The following KLHL31 variants were observed in gnomAD, a reference collection of about 807,000 sequenced individuals.
KLHL31 encodes the protein kelch like family member 31, also known as kelch-like protein 31.
Under a neutral mutation model 47.1 loss-of-function variants are expected in KLHL31, and 32 were observed. That is an observed-to-expected ratio of 0.68 (90% confidence interval 0.51 to 0.91). The LOEUF (loss-of-function observed/expected upper bound fraction) is 0.91. KLHL31 is among the 40% of genes least tolerant of loss of function. The pLI, the probability that KLHL31 is intolerant of heterozygous loss-of-function variation, is 0.00. For synonymous variants in KLHL31, 330 were observed against 325.1 expected, an observed-to-expected ratio of 1.01 and a Z score of -0.16; for missense variants, 797 against 819.3, an observed-to-expected ratio of 0.97 and a Z score of 0.33.
intron 2 of KLHL31, among the ~76,000 whole-genome samples, chr6:53,653,578 G>A (rs990693790): frequency 2.6e-5 from 4 of 151,746 alleles, no homozygotes; most frequent in African/African-American, 7.3e-5. Context: ...TCTGTTATTC[G>A]GTTTTCAAAT....
At chr6:53,664,245 T>G (rs988386739) in intron 1 of KLHL31, among the ~76,000 whole-genome samples, 1 of 152,216 alleles carries the variant, frequency 6.6e-6, no homozygotes, top group Non-Finnish European at 1.5e-5. Flanking sequence ...CAGGCAGTGT[T>G]GAGGACATAC....
chr6:53,664,019 C>T (rs915451053), intron 1 of KLHL31, among the ~76,000 whole-genome samples: 1 of 152,206 alleles, frequency 6.6e-6, no homozygotes, highest in Non-Finnish European at 1.5e-5. Context: ...TTGTCAAAAT[C>T]TGTTCCTACA....
chr6:53,655,198 G>T lies in KLHL31; in HGVS notation c.75C>A (p.Ser25Arg). The T allele has an allele frequency of 6.2e-7, 1 of 1,612,290 alleles. No individual in the cohort carries two copies. The highest frequency in any genetic ancestry group is 8.5e-7 in the Non-Finnish European group (1 of 1,179,422). ...INEMTIIVED[S>R]PLNKLNALNG... ...TCAAAGCATTCAGTTTGTTTAGGGG[G>T]CTATCTTCTACGATTATAGTCATCT... The change falls in exon 2 of 3, where the codon AGC (serine) becomes AGA (arginine). Residue 25 changes from serine to arginine, a missense_variant. Transcript: ENST00000370905.
At position 53,654,955 on chromosome 6, in the gene KLHL31, C is replaced by T. The variant is rs186867536; in HGVS notation, c.318G>A (p.Pro106=). ...CATTGAGATCCACCCTCTGAATTGACGGGTCTTTTTTTAGGATGTTGTAAA... is the reference window on the plus strand; with the variant it reads ...CATTGAGATCCACCCTCTGAATTGATGGGTCTTTTTTTAGGATGTTGTAAA... ...EYFYNILKKD[P]SIQRVDLNDI... is the part of the protein sequence containing the mutation. Residue 106 remains proline (P), a synonymous_variant, in exon 2 of 3, where the codon CCG becomes CCA. Coordinates refer to ENST00000370905, the MANE Select transcript of KLHL31 (RefSeq NM_001003760.5). 1.1e-4 allele frequency: 170 copies of T among 1,614,106 alleles called. No individual in the cohort carries two copies. The Admixed American group carries it at 2.3e-3, about 22-fold the overall frequency.
chr6:53,648,665 T>C lies in KLHL31; in HGVS notation c.*2933A>G, dbSNP rs1406928724. On this transcript the variant is annotated 3_prime_UTR_variant, in exon 3 of 3. Coordinates refer to ENST00000370905, the MANE Select transcript of KLHL31 (RefSeq NM_001003760.5). ...ATCATGTTTTAAAATTATACGAATC[T>C]GTACCATCACTGACCTTCTATTCAA... 1 of 152,182 alleles carries C rather than the reference T, an allele frequency of 6.6e-6. No individual in the cohort carries two copies. The highest frequency in any genetic ancestry group is 1.5e-5 in the Non-Finnish European group (1 of 68,026). The allele number at this position is 152,182 out of a possible 1,614,324, so 9.4% of individuals were successfully genotyped here. A position where few individuals can be genotyped will look rare whatever the true frequency, so the allele number is the denominator to read the frequency against.
chr6:53,657,610 T>TGTGTGTGTG (rs1762823557), intron 1 of KLHL31, among the ~76,000 whole-genome samples: 1 of 138,722 alleles, frequency 7.2e-6, no homozygotes, highest in Non-Finnish European at 1.5e-5. Context: ...TGTTTTTGTT[T>TGTGTGTGTG]TGTGTGTGTG....
In KLHL31 at chr6:53,650,638, T is replaced by C. The variant is rs1764449843; in HGVS notation, c.*960A>G. ...GTGTAAACTTCAAGCTCTCTAAGCT[T>C]AAGGCTAATGGTCCTTAGGGACATA... On this transcript the variant is annotated 3_prime_UTR_variant, in exon 3 of 3. Coordinates refer to ENST00000370905, the MANE Select transcript of KLHL31 (RefSeq NM_001003760.5). 1.3e-5 allele frequency: 2 copies of C among 152,216 alleles called. No individual in the cohort carries two copies. Among genetic ancestry groups the C allele is most frequent in the African/African-American group, 4.8e-5 (2 of 41,454 alleles). 9.4% of individuals were successfully genotyped at this position (152,216 alleles called of 1,614,324 possible).
rs1221033641 is a variant in KLHL31, at chr6:53,651,914, A to G, written c.1589T>C (p.Val530Ala). The G allele has an allele frequency of 1.9e-6, 3 of 1,590,480 alleles. No homozygotes were observed. Among genetic ancestry groups the G allele is most frequent in the African/African-American group, 2.7e-5 (2 of 74,664 alleles). ...GSQLGPRGER[V>A]DVLTVECYSP... ...GTAGCACTCCACGGTGAGCACGTCCACGCGCTCCCCGCGCGGCCCCAGCTG... is the reference window on the plus strand; with the variant it reads ...GTAGCACTCCACGGTGAGCACGTCCGCGCGCTCCCCGCGCGGCCCCAGCTG... Residue 530 changes from valine (V) to alanine (A), a missense_variant, in exon 3 of 3, where the codon GTG (valine) becomes GCG (alanine). By Grantham distance (64) the Val-to-Ala change is moderately conservative (BLOSUM62 0). Coordinates refer to ENST00000370905, the MANE Select transcript of KLHL31 (RefSeq NM_001003760.5).
At chr6:53,661,817 G>A (rs1764650097) in intron 1 of KLHL31, among the ~76,000 whole-genome samples, 2 of 152,210 alleles carry the variant, frequency 1.3e-5, no homozygotes, top group South Asian at 4.1e-4. Context: ...TGGCTGTGAG[G>A]AAGAGGTGTT....
rs752577434 is a variant in KLHL31 at position 53,654,412 on chromosome 6, A to C, written c.861T>G (p.Leu287=). The C allele has an allele frequency of 6.2e-7, 1 of 1,614,184 alleles. No individual in the cohort carries two copies. The highest frequency in any genetic ancestry group is 1.7e-5 in the Admixed American group (1 of 60,026). Residue 287 remains leucine, a synonymous_variant, in exon 2 of 3, where the codon CTT becomes CTG. Transcript: ENST00000370905. ...RMMQDADCHR[L]LVDAMNYHLL... ...AGTGGTAGTTCATAGCATCTACGAG[A>C]AGTCTGTGACAATCAGCATCTTGCA...
Position 53,654,296 on chromosome 6 carries a change from C to A in KLHL31, c.977G>T (p.Gly326Val), listed in dbSNP as rs1390299348. 1 of 1,614,172 alleles carries A rather than the reference C, an allele frequency of 6.2e-7. No individual in the cohort carries two copies. Among genetic ancestry groups the A allele is most frequent in the Non-Finnish European group, 8.5e-7 (1 of 1,180,034 alleles). The part of the protein sequence containing the change: ...RVLVTVGGRP[G>V]LTEKSLSRDI... ...TCTGCTAAGGGACTTCTCAGTAAGG[C>A]CTGGGCGTCCCCCAACAGTGACGAG... Residue 326 changes from glycine (G) to valine (V), a missense_variant, in exon 2 of 3, where the codon GGC becomes GTC. Transcript: ENST00000370905.
intron 1 of KLHL31, among the ~76,000 whole-genome samples, chr6:53,658,491 A>C (rs994678597): frequency 6.6e-6 from 1 of 152,200 alleles, no homozygotes; most frequent in Non-Finnish European, 1.5e-5. Flanking sequence ...GAATGGATTC[A>C]GGCCACAGTG....
At chr6:53,654,035 C>T in intron 2 of KLHL31, 66 bp downstream of exon 2, 1 of 1,344,608 alleles carries the variant, frequency 7.4e-7, no homozygotes, top group African/African-American at 1.5e-5. Context: ...GATTAATTTA[C>T]TTCTATGTTA....
intron 1 of KLHL31, among the ~76,000 whole-genome samples, chr6:53,656,509 T>C (rs959910620): frequency 1.3e-5 from 2 of 152,148 alleles, no homozygotes; most frequent in Non-Finnish European, 2.9e-5. Flanking sequence ...TGTATGTGTG[T>C]GTAGATATAT....
intron 1 of KLHL31, among the ~76,000 whole-genome samples, chr6:53,659,544 T>C (rs1468844998): frequency 6.6e-6 from 1 of 152,108 alleles, no homozygotes; most frequent in Non-Finnish European, 1.5e-5. Context: ...TGAATCTTGT[T>C]GGGTCTTGGT....
intron 1 of KLHL31, among the ~76,000 whole-genome samples, chr6:53,655,609 C>T (rs200690330): frequency 8.8e-6 from 1 of 114,250 alleles, no homozygotes; most frequent in Non-Finnish European, 1.9e-5. Context: ...TTCTTTTTTT[C>T]TTTTTTTTTT....
intron 1 of KLHL31, among the ~76,000 whole-genome samples, chr6:53,655,905 C>T (rs879680633): frequency 2.6e-5 from 4 of 152,116 alleles, no homozygotes; most frequent in Non-Finnish European, 5.9e-5. Context: ...CTATACCCAA[C>T]CAACATTTTC....
chr6:53,657,929 T>C (rs114112965), intron 1 of KLHL31, among the ~76,000 whole-genome samples: 1,853 of 152,312 alleles, frequency 0.012, 28 homozygotes, highest in African/African-American at 0.041. Flanking sequence ...CATACATCCT[T>C]CTTCTCATTC....
chr6:53,658,234 TG>T (rs1205105135), intron 1 of KLHL31, among the ~76,000 whole-genome samples: 2 of 151,734 alleles, frequency 1.3e-5, no homozygotes, highest in African/African-American at 4.8e-5. Context: ...GAGAAAATTT[TG>T]GGGGGAAAGT....
Sources: gnomAD v4.1 joint callset for allele counts (sites outside exome capture counted in the v4.1 genomes callset) on GRCh38, gnomAD v4.1.1 for gene constraint, MANE v1.5 for transcripts, NCBI Gene and HGNC (gene_info 2026-07-23, HGNC 2026-07-21) for gene names.